The following PI4K2B variants were observed in gnomAD, a reference collection of about 807,000 sequenced individuals.
The protein encoded by PI4K2B is phosphatidylinositol 4-kinase type 2-beta.
In PI4K2B, 46 loss-of-function variants were observed where a neutral mutation model predicts 56.6. The ratio of observed to expected loss-of-function variants is 0.81; its 90% confidence interval spans 0.64 to 1.04. PI4K2B has a LOEUF of 1.04. Among genes scored for constraint, PI4K2B ranks in the 50% least tolerant of loss-of-function variants. The pLI is 0.00. For synonymous variants in PI4K2B, 211 were observed against 223.8 expected, an observed-to-expected ratio of 0.94 and a Z score of 0.51; for missense variants, 556 against 607.7, an observed-to-expected ratio of 0.91 and a Z score of 0.89.
intron 6 of PI4K2B, 70 bp downstream of exon 6, chr4:25,260,661 CACAT>C (rs1404695752): frequency 1.4e-4 from 45 of 325,460 alleles, no homozygotes; most frequent in African/African-American, 4.2e-4. Context: ...CACACACACA[CACAT>C]ACACACACAC....
In PI4K2B at chr4:25,276,639, C is replaced by T. The variant is rs1048466237; in HGVS notation, c.1273-375C>T. The T allele has an allele frequency of 1.3e-5, 13 of 983,476 alleles. No homozygotes were observed. The Admixed American group carries it at 4.9e-4, about 37-fold the overall frequency. The allele number at this position is 983,476 out of a possible 1,614,324, so 60.9% of individuals were successfully genotyped here. A position where few individuals can be genotyped will look rare whatever the true frequency, so the allele number is the denominator to read the frequency against. On this transcript the variant is annotated intron_variant, in intron 9 of 9. Transcript: ENST00000264864. ...GGATAAGGCAAGTATTTAGTTAAAA[C>T]CAGACTGTTTAAACCAGTATTTGTT...
chr4:25,278,833 A>C lies in PI4K2B; in HGVS notation c.*1646A>C, dbSNP rs952121924. The stretch of plus-strand genomic sequence containing the variant: ...GAGAATTGCCATATTAATTTTTATA[A>C]TGGAAAACTTAATAAATTGCTACTG... On this transcript the variant is annotated 3_prime_UTR_variant, in exon 10 of 10. Transcript: ENST00000264864. 2 of 152,674 alleles carry C rather than the reference A, an allele frequency of 1.3e-5. No homozygotes were observed. The highest frequency in any genetic ancestry group is 2.9e-5 in the Non-Finnish European group (2 of 68,040). The allele number at this position is 152,674 out of a possible 1,614,324, so 9.5% of individuals were successfully genotyped here.
At chr4:25,237,341 TG>T (rs915204526) in intron 1 of PI4K2B, among the ~76,000 whole-genome samples, 1 of 13,118 alleles carries the variant, frequency 7.6e-5, no homozygotes, top group South Asian at 1.7e-3. Context: ...GTACTATTTT[TG>T]TTTTTTTTTT....
chr4:25,248,217 G>C (rs1310736449), intron 1 of PI4K2B, among the ~76,000 whole-genome samples: 1 of 152,104 alleles, frequency 6.6e-6, no homozygotes, highest in African/African-American at 2.4e-5. Flanking sequence ...TATATAATGA[G>C]TTCTCTTATT....
At chr4:25,234,680 C>G (rs1715172542) in intron 1 of PI4K2B, among the ~76,000 whole-genome samples, 1 of 152,226 alleles carries the variant, frequency 6.6e-6, no homozygotes, top group East Asian at 1.9e-4. Flanking sequence ...TTAGACCTCC[C>G]CGCAAAGTGA....
At chr4:25,264,692 G>A (rs942490366) in intron 7 of PI4K2B, among the ~76,000 whole-genome samples, 53 of 151,670 alleles carry the variant, frequency 3.5e-4, no homozygotes, top group African/African-American at 1.2e-3. Context: ...GCAACATGGC[G>A]AAACCCCATC....
intron 1 of PI4K2B, among the ~76,000 whole-genome samples, chr4:25,249,930 A>C (rs939284716): frequency 2.6e-5 from 4 of 152,160 alleles, no homozygotes; most frequent in Admixed American, 1.3e-4. Flanking sequence ...CCTGGGCAAC[A>C]CTGAGCACTG....
chr4:25,275,679 CAAAA>C (rs57955837), intron 9 of PI4K2B, among the ~76,000 whole-genome samples: 1 of 150,030 alleles, frequency 6.7e-6, no homozygotes. Flanking sequence ...CAAAACAAAA[CAAAA>C]AAAAAGAAAA....
In PI4K2B at chr4:25,277,291, A is replaced by G. The variant is rs916527713; in HGVS notation, c.*104A>G. 1.1e-5 allele frequency: 14 copies of G among 1,327,082 alleles called. No homozygotes were observed. In the South Asian group the frequency reaches 1.5e-4, roughly 14 times the overall value. The allele number at this position is 1,327,082 out of a possible 1,614,324, so 82.2% of individuals were successfully genotyped here. A position where few individuals can be genotyped will look rare whatever the true frequency, so the allele number is the denominator to read the frequency against. On this transcript the variant is annotated 3_prime_UTR_variant, in exon 10 of 10. Transcript: ENST00000264864. ...AGGAGCTCCAGTTGCTAAAACCTCA[A>G]TTTAAGTCTTTAAAAGGTTGTATTT...
At chr4:25,235,876 C>T (rs986470823) in intron 1 of PI4K2B, among the ~76,000 whole-genome samples, 18 of 151,984 alleles carry the variant, frequency 1.2e-4, no homozygotes, top group African/African-American at 1.7e-4. Flanking sequence ...GAGAGGTCAA[C>T]GAGATGGCAG....
intron 9 of PI4K2B, among the ~76,000 whole-genome samples, chr4:25,270,434 C>G (rs1716842688): frequency 6.6e-6 from 1 of 152,022 alleles, no homozygotes; most frequent in African/African-American, 2.4e-5. Context: ...CAACCTCTGT[C>G]TCCCAGGTTC....
In PI4K2B at chr4:25,278,641, A is replaced by G. The variant is rs769164592; in HGVS notation, c.*1454A>G. 2.0e-5 allele frequency: 3 copies of G among 152,634 alleles called. No homozygotes were observed. Among genetic ancestry groups the G allele is most frequent in the Non-Finnish European group, 4.4e-5 (3 of 68,038 alleles). The allele number at this position is 152,634 out of a possible 1,614,324, so 9.5% of individuals were successfully genotyped here. A position where few individuals can be genotyped will look rare whatever the true frequency, so the allele number is the denominator to read the frequency against. Reference sequence around the variant, plus strand: ...CCTCTTCCAACCCTCCATTAGCTCAATTTTGAGATAATGGAAAATTGACTG... The same window carrying G: ...CCTCTTCCAACCCTCCATTAGCTCAGTTTTGAGATAATGGAAAATTGACTG... On this transcript the variant is annotated 3_prime_UTR_variant, in exon 10 of 10. Transcript: ENST00000264864.
intron 7 of PI4K2B, among the ~76,000 whole-genome samples, chr4:25,265,220 A>AAAAAAAAAAAAG (rs1310147638): frequency 6.6e-6 from 1 of 151,188 alleles, no homozygotes; most frequent in African/African-American, 2.4e-5. Flanking sequence ...AAAAAAAAAA[A>AAAAAAAAAAAAG]ATTTGTATCC....
At chr4:25,244,879 C>T (rs113101101) in intron 1 of PI4K2B, among the ~76,000 whole-genome samples, 1,560 of 152,228 alleles carry the variant, frequency 0.01, 19 homozygotes, top group African/African-American at 0.035. Flanking sequence ...CCCTTACCGA[C>T]GCATTCTCAA....
In PI4K2B at chr4:25,234,274, C is replaced by A; in HGVS notation, c.111C>A (p.His37Gln). 4 of 1,422,298 alleles carry A rather than the reference C, an allele frequency of 2.8e-6. No individual in the cohort carries two copies. Among genetic ancestry groups the A allele is most frequent in the Middle Eastern group, 2.4e-4 (1 of 4,120 alleles). 88.1% of individuals were successfully genotyped at this position (1,422,298 alleles called of 1,614,324 possible). The change falls in exon 1 of 10, where the codon CAC becomes CAA. Residue 37 changes from histidine (H) to glutamine (Q), a missense_variant. Transcript: ENST00000264864. ...TGCTACCGCGGATCGCCTGGGCCCA[C>A]CCGCGGAGAGGCGCCCCAGGCAGCG... ...EPLLPRIAWAHPRRGAPGSAV... is the reference protein window; with the variant it reads ...EPLLPRIAWAQPRRGAPGSAV...
intron 4 of PI4K2B, 111 bp downstream of exon 4, chr4:25,256,785 A>T: frequency 1.0e-6 from 1 of 992,608 alleles, no homozygotes; most frequent in East Asian, 2.5e-5. Context: ...CAGATTTTTC[A>T]TCTTCCAGGA....
intron 1 of PI4K2B, among the ~76,000 whole-genome samples, chr4:25,237,189 A>T (rs1715295748): frequency 6.6e-6 from 1 of 152,240 alleles, no homozygotes; most frequent in South Asian, 2.1e-4. Flanking sequence ...AAGTGGAAGG[A>T]TTAGTGCATT....
intron 4 of PI4K2B, among the ~76,000 whole-genome samples, chr4:25,258,727 C>T (rs561885527): frequency 3.3e-5 from 5 of 152,114 alleles, no homozygotes; most frequent in African/African-American, 7.2e-5. Flanking sequence ...TTTAGAAAAA[C>T]GGCATTCTTT....
chr4:25,258,820 G>A (rs931922107), intron 4 of PI4K2B, among the ~76,000 whole-genome samples: 2 of 151,834 alleles, frequency 1.3e-5, no homozygotes, highest in Non-Finnish European at 2.9e-5. Flanking sequence ...GAAAGTCTAG[G>A]GGTAAGCATT....
Sources: allele counts gnomAD v4.1 joint callset (sites outside exome capture counted in the v4.1 genomes callset), GRCh38; gene constraint gnomAD v4.1.1; transcripts MANE v1.5; gene names NCBI Gene and HGNC (gene_info 2026-07-23, HGNC 2026-07-21).